BABAM2: variants seen among roughly 807,000 people sequenced by gnomAD.
BABAM2 encodes BRISC and BRCA1-A complex member 2.
BABAM2 carries 31 observed loss-of-function variants against 54.7 expected under a neutral mutation model. That is an observed-to-expected ratio of 0.57 (90% CI 0.43 to 0.77). The LOEUF (loss-of-function observed/expected upper bound fraction) is 0.77, where lower values mean the gene tolerates loss of function less well. Among genes scored for constraint, BABAM2 ranks in the 30% least tolerant of loss-of-function variants. The probability of loss-of-function intolerance (pLI) is 0.00; values close to 1 mark genes in which losing one functional copy is unlikely to be tolerated. For missense variants in BABAM2, 364 were observed against 455.8 expected (o/e 0.80, Z 1.83); for synonymous variants, 167 against 162.9 (o/e 1.03, Z -0.19).
At chr2:27,890,170 C>T (rs1664697213), upstream of BABAM2, 2 of 1,290,354 alleles carry the variant, frequency 1.5e-6, no homozygotes. This position sits in a 1 kb window ranked among gnomAD's most constrained non-coding sequence, Gnocchi z 4.8. Context: ...CCCTGGAGAC[C>T]CAGCGCCCAA....
intron 6 of BABAM2, among the ~76,000 whole-genome samples, chr2:28,073,182 T>C (rs1466617086): frequency 2.0e-5 from 3 of 152,154 alleles, no homozygotes; most frequent in Admixed American, 1.3e-4. Context: ...CCTTAACTAT[T>C]GTCCTTTTTT....
At position 28,325,589 on chromosome 2, in the gene BABAM2, T is replaced by G. The variant is rs1015047707; in HGVS notation, c.1089-12861T>G. Reference sequence around the variant, plus strand: ...ACACCCTCTCCCATTGAGTAGTTTCTTCTTTGGGAATTGCTGCTTTTCTGT... The same window carrying G: ...ACACCCTCTCCCATTGAGTAGTTTCGTCTTTGGGAATTGCTGCTTTTCTGT... On this transcript the variant is annotated intron_variant, in intron 11 of 11. Transcript: ENST00000379624. The surrounding 1 kb of genome is among the most constrained non-coding windows in gnomAD (Gnocchi z 4.3). 2.6e-5 allele frequency among the ~76,000 whole-genome samples: 4 copies of G among 152,234 alleles called. No individual in the cohort carries two copies. Among genetic ancestry groups the G allele is most frequent in the Admixed American group, 1.3e-4 (2 of 15,288 alleles).
chr2:28,303,348 A>G (rs1411616666), intron 11 of BABAM2, among the ~76,000 whole-genome samples: 1 of 152,208 alleles, frequency 6.6e-6, no homozygotes, highest in East Asian at 1.9e-4. Flanking sequence ...TCCATCTCAA[A>G]TTAATTTTTG....
intron 11 of BABAM2, among the ~76,000 whole-genome samples, chr2:28,335,417 G>A (rs1389807474): frequency 2.0e-5 from 3 of 152,144 alleles, no homozygotes; most frequent in Non-Finnish European, 2.9e-5. Context: ...TGATACACCC[G>A]CCTCGGCCTC....
chr2:28,292,327 A>G (rs1687349844), intron 10 of BABAM2, among the ~76,000 whole-genome samples: 1 of 152,222 alleles, frequency 6.6e-6, no homozygotes, highest in Non-Finnish European at 1.5e-5. Context: ...CTTTCCAGAC[A>G]ACTAAAATTT....
chr2:27,894,389 C>T, intron 1 of BABAM2, 144 bp from the exon 2 acceptor site: 1 of 780,884 alleles, frequency 1.3e-6, no homozygotes, highest in Admixed American at 2.5e-5. Context: ...TCTGGAGGAT[C>T]ATTGGAAGAG....
chr2:28,107,268 AC>A (rs1359691198), intron 6 of BABAM2, among the ~76,000 whole-genome samples: 1 of 151,910 alleles, frequency 6.6e-6, no homozygotes, highest in Non-Finnish European at 1.5e-5. Context: ...CATGCATTCA[AC>A]CCTTGTCCTT....
intron 7 of BABAM2, among the ~76,000 whole-genome samples, chr2:28,213,956 A>AC (rs1237713930): frequency 6.6e-6 from 1 of 151,624 alleles, no homozygotes; most frequent in East Asian, 1.9e-4. Context: ...TAAAAAAAAA[A>AC]AAAACAGCAC....
chr2:28,334,015 CT>C (rs1310971803), intron 11 of BABAM2, among the ~76,000 whole-genome samples: 2 of 152,176 alleles, frequency 1.3e-5, no homozygotes, highest in Non-Finnish European at 2.9e-5. Flanking sequence ...CCCTTTCCCC[CT>C]CCTCCCACTC....
At chr2:28,060,415 C>A (rs1229792403) in intron 6 of BABAM2, among the ~76,000 whole-genome samples, 3 of 152,070 alleles carry the variant, frequency 2.0e-5, no homozygotes, top group Non-Finnish European at 4.4e-5. Flanking sequence ...TTGTAAAAGA[C>A]CAAATACTTT....
intron 7 of BABAM2, among the ~76,000 whole-genome samples, chr2:28,215,916 C>T (rs1679878457): frequency 6.6e-6 from 1 of 152,164 alleles, no homozygotes; most frequent in African/African-American, 2.4e-5. Context: ...TAGCCCCACT[C>T]ATGTTTTACT....
chr2:28,334,104 C>T (rs1275696192), intron 11 of BABAM2, among the ~76,000 whole-genome samples: 2 of 152,216 alleles, frequency 1.3e-5, no homozygotes, highest in Non-Finnish European at 2.9e-5. Flanking sequence ...TTTAAATAGC[C>T]CTCGCCACGC....
At chr2:27,926,047 A>G (rs770667039) in intron 2 of BABAM2, among the ~76,000 whole-genome samples, 9 of 151,362 alleles carry the variant, frequency 5.9e-5, no homozygotes, top group South Asian at 2.1e-4. Flanking sequence ...GTTGACTAAA[A>G]TGGTCTCCTC....
intron 7 of BABAM2, among the ~76,000 whole-genome samples, chr2:28,156,565 A>G (rs943338229): frequency 2.6e-5 from 4 of 152,324 alleles, no homozygotes; most frequent in Admixed American, 2.0e-4. Context: ...CCCCAGCATT[A>G]TAAATAAGCT....
chr2:27,978,721 A>G (rs927038289), intron 3 of BABAM2, among the ~76,000 whole-genome samples: 5 of 152,200 alleles, frequency 3.3e-5, no homozygotes, highest in Admixed American at 1.3e-4. Context: ...GGTTTGGTGT[A>G]CAAAAGATTT....
chr2:28,297,216 A>G (rs10189899), intron 10 of BABAM2, among the ~76,000 whole-genome samples: 100,812 of 151,972 alleles, frequency 0.66, 33,747 homozygotes, highest in Middle Eastern at 0.81. Flanking sequence ...CTGCCTGACT[A>G]TGACATGAGC....
chr2:28,312,225 C>T (rs937562281), intron 11 of BABAM2, among the ~76,000 whole-genome samples: 4 of 152,148 alleles, frequency 2.6e-5, no homozygotes, highest in Non-Finnish European at 5.9e-5. Context: ...CAAGCAGAGG[C>T]CTTGCTTCTG....
In BABAM2 at chr2:28,052,656, C is replaced by T. The variant is rs535328475; in HGVS notation, c.570+6857C>T. ...ATATGCTTAAATATGATCATTATAT[C>T]AATGTTCTCTCCTGGAAAAGTTTAA... On this transcript the variant is annotated intron_variant, in intron 6 of 11. Coordinates refer to ENST00000379624, the MANE Select transcript of BABAM2 (RefSeq NM_199191.3). 2.0e-5 allele frequency among the ~76,000 whole-genome samples: 3 copies of T among 152,234 alleles called. No homozygotes were observed. In the East Asian group the frequency reaches 5.8e-4, roughly 29 times the overall value.
At chr2:28,262,405 C>T (rs1031397926) in intron 10 of BABAM2, among the ~76,000 whole-genome samples, 1 of 151,956 alleles carries the variant, frequency 6.6e-6, no homozygotes, top group Non-Finnish European at 1.5e-5. Flanking sequence ...GGATGGAGAC[C>T]AGGGACCTAA....
Sources: gnomAD v4.1 joint callset for allele counts (sites outside exome capture counted in the v4.1 genomes callset) on GRCh38, gnomAD v4.1.1 for gene constraint, Gnocchi (gnomAD v3.1) non-coding constraint, MANE v1.5 for transcripts, NCBI Gene and HGNC (gene_info 2026-07-23, HGNC 2026-07-21) for gene names.